The following SLC44A5 variants were observed in gnomAD, a reference collection of about 807,000 sequenced individuals.
SLC44A5 encodes the protein solute carrier family 44 member 5.
SLC44A5 carries 57 observed loss-of-function variants against 101.8 expected under a neutral mutation model. The ratio of observed to expected loss-of-function variants is 0.56; its 90% CI spans 0.45 to 0.70. The LOEUF is 0.70. Among genes scored for constraint, SLC44A5 ranks in the 30% least tolerant of loss-of-function variants. The probability of loss-of-function intolerance (pLI) is 0.00; values close to 1 mark genes in which losing one functional copy is unlikely to be tolerated. For synonymous variants in SLC44A5, 281 were observed against 290.9 expected (o/e 0.97, Z 0.35); for missense variants, 737 against 853.1 (o/e 0.86, Z 1.70).
chr1:75,360,934 C>A (rs746857845), intron 3 of SLC44A5, among the ~76,000 whole-genome samples: 2 of 152,124 alleles, frequency 1.3e-5, no homozygotes, highest in Non-Finnish European at 2.9e-5. Context: ...TTCTTCCATT[C>A]CATGAACACA....
rs140196766 is a variant in SLC44A5 at position 75,209,091 on chromosome 1, A to G, written c.2047+2377T>C. ...GTTTCCTTGTTCTTTGTTATCACAG[A>G]CAAGTGTCTCTGAAAGGAAATGATT... On this transcript the variant is annotated intron_variant, in intron 23 of 23. Coordinates refer to ENST00000370859, the MANE Select transcript of SLC44A5 (RefSeq NM_001130058.2). Among the ~76,000 whole-genome samples the G allele has an allele frequency of 1.9e-3, 289 of 152,336 alleles. 1 individual carries two copies. The highest frequency in any genetic ancestry group is 6.6e-3 in the African/African-American group (276 of 41,576).
the SLC44A5 span, among the ~76,000 whole-genome samples, chr1:75,681,596 TG>T: frequency 6.3e-3 from 950 of 151,182 alleles, 14 homozygotes; most frequent in Admixed American, 0.035. Context: ...TAGGTATTGA[TG>T]GGACATATTT....
At chr1:75,220,116 A>G (rs764621409) in intron 14 of SLC44A5, among the ~76,000 whole-genome samples, 6 of 152,082 alleles carry the variant, frequency 3.9e-5, no homozygotes, top group Admixed American at 2.0e-4. Flanking sequence ...AAGTCCCTCA[A>G]ATTTTCCTCC....
At chr1:75,388,183 C>G (rs943083848) in intron 3 of SLC44A5, among the ~76,000 whole-genome samples, 1 of 128,784 alleles carries the variant, frequency 7.8e-6, no homozygotes, top group Non-Finnish European at 1.6e-5. Flanking sequence ...GCACAATGTG[C>G]ACATGTACCC....
At chr1:75,522,575 C>T (rs924808998) in intron 2 of SLC44A5, among the ~76,000 whole-genome samples, 5 of 152,032 alleles carry the variant, frequency 3.3e-5, no homozygotes, top group African/African-American at 4.8e-5. Context: ...TTAACTCCAG[C>T]ACAAGAATGT....
At chr1:75,350,091 A>G (rs1277155054) in intron 3 of SLC44A5, among the ~76,000 whole-genome samples, 2 of 151,938 alleles carry the variant, frequency 1.3e-5, no homozygotes, top group African/African-American at 2.4e-5. Context: ...CGCCCCCCCC[A>G]ACTCCAGCCC....
the SLC44A5 span, among the ~76,000 whole-genome samples, chr1:75,700,672 GA>G: frequency 1.3e-5 from 2 of 152,078 alleles, no homozygotes; most frequent in East Asian, 1.9e-4. Context: ...AGAACTGAAG[GA>G]AATAGAGACA....
At chr1:75,212,621 AC>A (rs1188658837) in intron 22 of SLC44A5, among the ~76,000 whole-genome samples, 1 of 151,780 alleles carries the variant, frequency 6.6e-6, no homozygotes, top group Non-Finnish European at 1.5e-5. Flanking sequence ...TCTTCCTGCC[AC>A]CCCCAGTACT....
intron 23 of SLC44A5, chr1:75,206,803 GGAAAAATCA>G (rs1646757649): frequency 1.3e-6 from 1 of 764,952 alleles, no homozygotes; most frequent in African/African-American, 1.8e-5. Flanking sequence ...GGTCGAACAG[GGAAAAATCA>G]GAAAAATCAG....
intron 2 of SLC44A5, among the ~76,000 whole-genome samples, chr1:75,508,426 C>T (rs1393243759): frequency 6.6e-6 from 1 of 152,084 alleles, no homozygotes; most frequent in Non-Finnish European, 1.5e-5. Context: ...AACATTCTAA[C>T]ATCATACCTA....
intron 2 of SLC44A5, among the ~76,000 whole-genome samples, chr1:75,498,818 A>G (rs1267760888): frequency 6.6e-6 from 1 of 152,200 alleles, no homozygotes; most frequent in Non-Finnish European, 1.5e-5. Context: ...TCCTCTCTCA[A>G]ATGATAGAAT....
intron 5 of SLC44A5, among the ~76,000 whole-genome samples, chr1:75,287,593 CTGG>C (rs1357988621): frequency 6.6e-6 from 1 of 151,914 alleles, no homozygotes; most frequent in Non-Finnish European, 1.5e-5. Context: ...GGGGGAAGAT[CTGG>C]GGCTCAAGGG....
intron 14 of SLC44A5, among the ~76,000 whole-genome samples, chr1:75,220,696 A>C (rs1351466620): frequency 6.6e-6 from 1 of 152,112 alleles, no homozygotes; most frequent in Non-Finnish European, 1.5e-5. Flanking sequence ...CTGTTACATG[A>C]TCTTTTCAGC....
At chr1:75,480,107 T>A (rs1269621327) in intron 2 of SLC44A5, among the ~76,000 whole-genome samples, 3 of 152,104 alleles carry the variant, frequency 2.0e-5, no homozygotes, top group Non-Finnish European at 4.4e-5. Context: ...TATATGCAAA[T>A]CAATAAATGT....
At chr1:75,604,765 GTA>G (rs34812110) in intron 1 of SLC44A5, among the ~76,000 whole-genome samples, 95,474 of 149,608 alleles carry the variant, frequency 0.64, 30,812 homozygotes, top group East Asian at 0.83. Flanking sequence ...GGGTGTGTGT[GTA>G]TGTGTGTGTG....
chr1:75,240,665 C>T (rs1007121601), intron 9 of SLC44A5, among the ~76,000 whole-genome samples: 1 of 151,828 alleles, frequency 6.6e-6, no homozygotes, highest in Non-Finnish European at 1.5e-5. Flanking sequence ...CTTTTATGAC[C>T]CAGGGAAGAG....
At chr1:75,705,336 C>T in the SLC44A5 span, among the ~76,000 whole-genome samples, 1 of 152,028 alleles carries the variant, frequency 6.6e-6, no homozygotes, top group Non-Finnish European at 1.5e-5. Context: ...CTGTCTTTTT[C>T]TATTGTCTGA....
chr1:75,310,059 A>G (rs1655186110), intron 4 of SLC44A5, among the ~76,000 whole-genome samples: 1 of 152,226 alleles, frequency 6.6e-6, no homozygotes, highest in South Asian at 2.1e-4. Context: ...AAAACTAAAT[A>G]TTCCCTAAAT....
intron 2 of SLC44A5, among the ~76,000 whole-genome samples, chr1:75,514,008 T>A (rs555117483): frequency 3.2e-4 from 48 of 152,156 alleles, no homozygotes; most frequent in African/African-American, 7.7e-4. Flanking sequence ...CTGGCTAATT[T>A]AAAAAAAATT....
Sources: allele counts gnomAD v4.1 joint callset (sites outside exome capture counted in the v4.1 genomes callset), GRCh38; gene constraint gnomAD v4.1.1; transcripts MANE v1.5; gene names NCBI Gene and HGNC (gene_info 2026-07-23, HGNC 2026-07-21).